The following BCO2 variants were observed in gnomAD, a reference collection of about 807,000 sequenced individuals.
The protein encoded by BCO2 is carotenoid-cleaving dioxygenase, mitochondrial.
A neutral mutation model predicts 65.8 loss-of-function variants in BCO2; 56 were observed. The observed-to-expected ratio is 0.85, with a 90% CI of 0.69 to 1.06. The LOEUF is 1.06. Ranked by LOEUF, BCO2 falls within the 50% of genes least tolerant of loss-of-function variation. The pLI, the probability that BCO2 is intolerant of heterozygous loss-of-function variation, is 0.00. For missense variants in BCO2, 675 were observed against 698.5 expected (o/e 0.97, Z 0.38); for synonymous variants, 233 against 242.3 (o/e 0.96, Z 0.36).
At chr11:112,178,280 T>C (rs1866938751) in intron 1 of BCO2, among the ~76,000 whole-genome samples, 1 of 152,136 alleles carries the variant, frequency 6.6e-6, no homozygotes, top group South Asian at 2.1e-4. Context: ...AGAATTTTAT[T>C]TGAAAAATCA....
intron 2 of BCO2, chr11:112,181,180 CTTTTTTTTT>C: frequency 5.5e-6 from 3 of 548,784 alleles, no homozygotes; most frequent in South Asian, 1.9e-5. Flanking sequence ...GAGGAGCTTT[CTTTTTTTTT>C]TTTTTTTTTT....
chr11:112,205,729 G>C (rs1249833134), intron 8 of BCO2, among the ~76,000 whole-genome samples: 1 of 152,212 alleles, frequency 6.6e-6, no homozygotes, highest in Non-Finnish European at 1.5e-5. Context: ...AAGTAGCTGG[G>C]ATTACAGGTG....
rs542755721 is a variant in BCO2 at position 112,180,636 on chromosome 11, G to A, written c.293+1154G>A. ...GGGACAGAGTGCATGTGTGTGGTGT[G>A]TCCCCAAGGGCAGAAAGGTGGCGAA... On this transcript the variant is annotated intron_variant, in intron 2 of 11. Transcript: ENST00000357685. 9.0e-6 allele frequency: 6 copies of A among 668,284 alleles called. No individual in the cohort carries two copies. The East Asian group carries it at 1.4e-4, about 15-fold the overall frequency. 41.4% of individuals were successfully genotyped at this position (668,284 alleles called of 1,614,324 possible).
intron 2 of BCO2, among the ~76,000 whole-genome samples, chr11:112,188,419 G>C (rs574759239): frequency 1.3e-5 from 2 of 152,228 alleles, no homozygotes; most frequent in South Asian, 2.1e-4. Context: ...GCTGTTCTTT[G>C]TATTCCAGGA....
At chr11:112,192,576 A>T (rs1867421524) in intron 2 of BCO2, among the ~76,000 whole-genome samples, 1 of 152,072 alleles carries the variant, frequency 6.6e-6, no homozygotes. Context: ...CATAATCTTG[A>T]TAAAGCTGAA....
At chr11:112,199,185 A>G (rs577950988) in intron 5 of BCO2, among the ~76,000 whole-genome samples, 1 of 152,074 alleles carries the variant, frequency 6.6e-6, no homozygotes, top group South Asian at 2.1e-4. Context: ...TTCAACTCCC[A>G]CTTATGAGTG....
At chr11:112,195,119 A>G (rs1032921195) in intron 5 of BCO2, among the ~76,000 whole-genome samples, 1 of 151,816 alleles carries the variant, frequency 6.6e-6, no homozygotes, top group Admixed American at 6.6e-5. Context: ...GACAAATACT[A>G]TTTCACCATT....
chr11:112,214,303 C>T (rs1441356277), intron 9 of BCO2, among the ~76,000 whole-genome samples: 2 of 152,100 alleles, frequency 1.3e-5, no homozygotes, highest in African/African-American at 2.4e-5. Context: ...CCTGTCACCA[C>T]GCCCGGCTAA....
chr11:112,184,240 T>C (rs1592837438), intron 2 of BCO2, among the ~76,000 whole-genome samples: 1 of 151,456 alleles, frequency 6.6e-6, no homozygotes, highest in Non-Finnish European at 1.5e-5. Context: ...AACCCTACAG[T>C]GGGGAATGAG....
chr11:112,217,362 CTCTT>C (rs1465096528), intron 11 of BCO2, among the ~76,000 whole-genome samples: 1 of 152,030 alleles, frequency 6.6e-6, no homozygotes, highest in African/African-American at 2.4e-5. Flanking sequence ...TTCTCTCTCT[CTCTT>C]TTCTTTTCTT....
chr11:112,208,255 C>T (rs1859403400), intron 8 of BCO2, among the ~76,000 whole-genome samples: 1 of 152,120 alleles, frequency 6.6e-6, no homozygotes, highest in South Asian at 2.1e-4. Flanking sequence ...AGTCACCGCA[C>T]CTGGCCGGCA....
chr11:112,190,456 C>T (rs997272532), intron 2 of BCO2, among the ~76,000 whole-genome samples: 33 of 152,184 alleles, frequency 2.2e-4, no homozygotes, highest in Admixed American at 5.2e-4. Flanking sequence ...AATACAAATA[C>T]GCCATATTAG....
rs1026066656 is a variant in BCO2, at chr11:112,213,997, C to T, written c.1332+136C>T. The T allele has an allele frequency of 2.4e-5, 16 of 671,036 alleles. 1 individual carries two copies. Among genetic ancestry groups the T allele is most frequent in the South Asian group, 1.3e-4 (5 of 37,318 alleles). 41.6% of individuals were successfully genotyped at this position (671,036 alleles called of 1,614,324 possible). On this transcript the variant is annotated intron_variant, in intron 9 of 11. Coordinates refer to ENST00000357685, the MANE Select transcript of BCO2 (RefSeq NM_031938.7). The stretch of plus-strand genomic sequence containing the variant: ...CGAGCAGGTTAAGGTTATGTAACAT[C>T]GCTTGCACAAGAATTGCAGAAACAG...
At chr11:112,189,590 G>A (rs181071248) in intron 2 of BCO2, among the ~76,000 whole-genome samples, 1 of 151,934 alleles carries the variant, frequency 6.6e-6, no homozygotes, top group Non-Finnish European at 1.5e-5. Flanking sequence ...TGTATTTTTA[G>A]TAGGGGTTTC....
chr11:112,180,161 A>G (rs967136573), intron 2 of BCO2, among the ~76,000 whole-genome samples: 60 of 152,330 alleles, frequency 3.9e-4, no homozygotes, highest in African/African-American at 1.4e-3. Context: ...AAATTACTCT[A>G]TAATACTTAA....
intron 8 of BCO2, among the ~76,000 whole-genome samples, chr11:112,212,471 A>G (rs549119896): frequency 1.3e-5 from 2 of 152,362 alleles, no homozygotes; most frequent in East Asian, 1.9e-4. Context: ...TACCATCTTT[A>G]TTAAAAATTT....
chr11:112,198,296 C>T (rs755610168), intron 5 of BCO2, among the ~76,000 whole-genome samples: 1 of 151,790 alleles, frequency 6.6e-6, no homozygotes, highest in East Asian at 1.9e-4. Context: ...GTACTCCAGA[C>T]TGGGTGATAG....
chr11:112,195,456 A>AT (rs144479009), intron 5 of BCO2, among the ~76,000 whole-genome samples: 6,573 of 144,950 alleles, frequency 0.045, 274 homozygotes, highest in African/African-American at 0.12. Context: ...TTTATTTTTT[A>AT]TTTTTTTTTA....
chr11:112,215,239 G>A, intron 10 of BCO2: 1 of 378,044 alleles, frequency 2.6e-6, no homozygotes, highest in South Asian at 2.6e-5. Context: ...GCAAATTATA[G>A]TTACACAAAT....
Sources: gnomAD v4.1 joint callset for allele counts (sites outside exome capture counted in the v4.1 genomes callset) on GRCh38, gnomAD v4.1.1 for gene constraint, MANE v1.5 for transcripts, NCBI Gene and HGNC (gene_info 2026-07-23, HGNC 2026-07-21) for gene names.